CSF2RA: variants seen among roughly 807,000 people sequenced by gnomAD.
CSF2RA encodes the protein granulocyte-macrophage colony-stimulating factor receptor subunit alpha.
Under a neutral mutation model 51.6 loss-of-function variants are expected in CSF2RA, and 42 were observed. The observed-to-expected ratio is 0.81, with a 90% CI of 0.64 to 1.05. The LOEUF (loss-of-function observed/expected upper bound fraction) is 1.05. Among genes scored for constraint, CSF2RA ranks in the 50% least tolerant of loss-of-function variants. The pLI, the probability that CSF2RA is intolerant of heterozygous loss-of-function variation, is 0.00. For synonymous variants in CSF2RA, 222 were observed against 193.0 expected (o/e 1.15, Z -1.24); for missense variants, 530 against 501.1 (o/e 1.06, Z -0.55).
At chrX:1,311,844 A>C (rs1235517166), downstream of CSF2RA, among the ~76,000 whole-genome samples, 8 of 152,116 alleles carry the variant, frequency 5.3e-5, no homozygotes, top group Non-Finnish European at 2.9e-5. Context: ...TCCATTTCCC[A>C]CATCTAGAAA....
At chrX:1,286,887 G>C (rs1448768849) in intron 4 of CSF2RA, among the ~76,000 whole-genome samples, 1 of 152,056 alleles carries the variant, frequency 6.6e-6, no homozygotes, top group East Asian at 1.9e-4. Flanking sequence ...GGTTCCCCAA[G>C]GGATTAAGGT....
chrX:1,287,480 G>C (rs1194869887), intron 4 of CSF2RA, among the ~76,000 whole-genome samples: 15 of 148,938 alleles, frequency 1.0e-4, no homozygotes. Context: ...GTCTCGCTCT[G>C]TCGCCCAGGC....
intron 3 of CSF2RA, 128 bp downstream of exon 3, chrX:1,282,907 A>G: frequency 1.2e-6 from 1 of 842,850 alleles, no homozygotes; most frequent in Non-Finnish European, 2.1e-6. Flanking sequence ...CCCAATAAGC[A>G]CCAGCCAACC....
At chrX:1,313,702 G>A (rs1412620494), downstream of CSF2RA, among the ~76,000 whole-genome samples, 1 of 151,378 alleles carries the variant, frequency 6.6e-6, no homozygotes, top group Non-Finnish European at 1.5e-5. Context: ...ACAGAGAGGA[G>A]CTGTGGCCAG....
At chrX:1,291,103 G>C (rs2091349711) in intron 7 of CSF2RA, among the ~76,000 whole-genome samples, 1 of 151,868 alleles carries the variant, frequency 6.6e-6, no homozygotes, top group Non-Finnish European at 1.5e-5. Context: ...TGTATTTTTA[G>C]TAGAGGCAGT....
chrX:1,283,114 C>T (rs757699693), intron 3 of CSF2RA, among the ~76,000 whole-genome samples: 2 of 81,260 alleles, frequency 2.5e-5, no homozygotes, highest in South Asian at 1.0e-3. Flanking sequence ...TTCGTTCCTT[C>T]GTTCCTTCGT....
In CSF2RA at chrX:1,304,299, C is replaced by A. The variant is rs1359930386; in HGVS notation, c.1043+280C>A. ...CCTGTAGTCCCAGCTACTCGGGAGG[C>A]TGAGGCAGGAGAATCGCTTGAACCC... On this transcript the variant is annotated intron_variant, in intron 11 of 12. Coordinates refer to ENST00000381529, the MANE Select transcript of CSF2RA (RefSeq NM_172245.4). Among the ~76,000 whole-genome samples the A allele has an allele frequency of 2.2e-5, 2 of 92,268 alleles. 1 individual carries two copies. Among genetic ancestry groups the A allele is most frequent in the Non-Finnish European group, 4.1e-5 (2 of 49,054 alleles). 60.5% of individuals were successfully genotyped at this position (92,268 alleles called of 152,430 possible). A position where few individuals can be genotyped will look rare whatever the true frequency, so the allele number is the denominator to read the frequency against.
the CSF2RA span, among the ~76,000 whole-genome samples, chrX:1,319,144 C>T: frequency 2.8e-4 from 42 of 147,712 alleles, 1 homozygote; most frequent in South Asian, 4.6e-4. Context: ...TACAGGTGCC[C>T]GCCACCACGC....
At chrX:1,319,705 G>A in the CSF2RA span, among the ~76,000 whole-genome samples, 2 of 137,838 alleles carry the variant, frequency 1.5e-5, no homozygotes, top group East Asian at 4.7e-4. Flanking sequence ...CATTCTTCAC[G>A]CCTTTGCTGT....
At chrX:1,318,399 G>A in the CSF2RA span, among the ~76,000 whole-genome samples, 4 of 150,942 alleles carry the variant, frequency 2.7e-5, no homozygotes, top group African/African-American at 4.9e-5. Context: ...TCTACCTCAC[G>A]TGATCCGCCC....
chrX:1,280,927 T>TGC (rs2089879751), intron 2 of CSF2RA, among the ~76,000 whole-genome samples: 13 of 129,478 alleles, frequency 1.0e-4, no homozygotes, highest in Non-Finnish European at 9.9e-5. Context: ...CTCCTCCTCC[T>TGC]TCTCCTCCTC....
At chrX:1,279,724 C>A (rs1311925060) in intron 2 of CSF2RA, among the ~76,000 whole-genome samples, 1 of 151,982 alleles carries the variant, frequency 6.6e-6, no homozygotes, top group Non-Finnish European at 1.5e-5. Flanking sequence ...GCTTTTACTT[C>A]CTCTTAGCAA....
chrX:1,312,057 G>A (rs1458890864), downstream of CSF2RA, among the ~76,000 whole-genome samples: 1 of 151,960 alleles, frequency 6.6e-6, no homozygotes, highest in Non-Finnish European at 1.5e-5. Context: ...CCCGGGTTCA[G>A]GCAATTCTCA....
Position 1,304,272 on chromosome X carries a change from C to T in CSF2RA, c.1043+253C>T, listed in dbSNP as rs866501515. Reference sequence around the variant, plus strand: ...AAAATTAGCCCGGCGTGGTCGCGGGCGCCTGTAGTCCCAGCTACTCGGGAG... The same window carrying T: ...AAAATTAGCCCGGCGTGGTCGCGGGTGCCTGTAGTCCCAGCTACTCGGGAG... On this transcript the variant is annotated intron_variant, in intron 11 of 12. Coordinates refer to ENST00000381529, the MANE Select transcript of CSF2RA (RefSeq NM_172245.4). 3.7e-5 allele frequency among the ~76,000 whole-genome samples: 3 copies of T among 80,878 alleles called. 1 individual carries two copies. Among genetic ancestry groups the T allele is most frequent in the Non-Finnish European group, 6.8e-5 (3 of 44,032 alleles). The allele number at this position is 80,878 out of a possible 152,430, so 53.1% of individuals were successfully genotyped here. A position where few individuals can be genotyped will look rare whatever the true frequency, so the allele number is the denominator to read the frequency against.
chrX:1,303,917 C>T lies in CSF2RA; in HGVS notation c.947-6C>T, dbSNP rs1418959246. ...ACCGCAGACGCAAACCTGTGTGTCT[C>T]TCCAGGTTCTGACGACGGGAACCTC... On this transcript the variant is annotated splice_polypyrimidine_tract_variant and splice_region_variant and intron_variant, in intron 10 of 12. Transcript: ENST00000381529. 8 of 1,609,092 alleles carry T rather than the reference C, an allele frequency of 5.0e-6. No individual in the cohort carries two copies. The South Asian group carries it at 8.8e-5, about 18-fold the overall frequency.
intron 4 of CSF2RA, among the ~76,000 whole-genome samples, chrX:1,286,626 C>G (rs1356649462): frequency 6.6e-6 from 1 of 151,932 alleles, no homozygotes; most frequent in South Asian, 2.1e-4. Flanking sequence ...GCCACAGACA[C>G]AAACAACACA....
chrX:1,307,233 G>C (rs772562976), intron 12 of CSF2RA, among the ~76,000 whole-genome samples: 1 of 152,294 alleles, frequency 6.6e-6, no homozygotes, highest in South Asian at 2.1e-4. Context: ...TTTTTAAAAA[G>C]GAAATAAAAC....
chrX:1,321,468 CA>C, the CSF2RA span, among the ~76,000 whole-genome samples: 3 of 144,848 alleles, frequency 2.1e-5, no homozygotes, highest in Admixed American at 1.4e-4. Context: ...GACTCCATCT[CA>C]AAAATAAATA....
At position 1,294,470 on chromosome X, in the gene CSF2RA, G is replaced by T; in HGVS notation, c.780+9G>T. On this transcript the variant is annotated intron_variant, in intron 8 of 12. Transcript: ENST00000381529. ...TGGACGTCCACAGAAAGGTCGGTGA[G>T]AGCTCCCCGGGGCTGGGCACCAGGA... The T allele has an allele frequency of 6.2e-7, 1 of 1,613,744 alleles. No individual in the cohort carries two copies. The highest frequency in any genetic ancestry group is 8.5e-7 in the Non-Finnish European group (1 of 1,179,860).
Sources: allele counts gnomAD v4.1 joint callset (sites outside exome capture counted in the v4.1 genomes callset), GRCh38; gene constraint gnomAD v4.1.1; transcripts MANE v1.5; gene names NCBI Gene and HGNC (gene_info 2026-07-23, HGNC 2026-07-21).